Variants in LDLRAP1 observed in about 807,000 individuals in gnomAD.
The protein encoded by LDLRAP1 is low density lipoprotein receptor adapter protein 1.
LDLRAP1 carries 30 observed loss-of-function variants against 37.8 expected under a neutral mutation model. The ratio of observed to expected loss-of-function variants is 0.79; its 90% confidence interval spans 0.59 to 1.08. LDLRAP1 has a LOEUF of 1.08. LDLRAP1 is among the 50% of genes least tolerant of loss of function. LDLRAP1 has a pLI of 0.00. For synonymous variants in LDLRAP1, 156 were observed against 169.8 expected (o/e 0.92, Z 0.63); for missense variants, 375 against 401.6 (o/e 0.93, Z 0.57).
the LDLRAP1 span, among the ~76,000 whole-genome samples, chr1:25,584,067 G>T: frequency 6.6e-6 from 1 of 152,100 alleles, no homozygotes; most frequent in Non-Finnish European, 1.5e-5. Flanking sequence ...CACCCAGACC[G>T]TGCTCCTGTC....
rs542098346 is a variant in LDLRAP1, at chr1:25,552,147, G to T, written c.89-1775G>T. Among the ~76,000 whole-genome samples the T allele has an allele frequency of 8.5e-5, 13 of 152,322 alleles. No homozygotes were observed. The South Asian group carries it at 2.7e-3, about 32-fold the overall frequency. On this transcript the variant is annotated intron_variant, in intron 1 of 8. Coordinates refer to ENST00000374338, the MANE Select transcript of LDLRAP1 (RefSeq NM_015627.3). ...GGAGGCCCAGGGCTCTAGGATAGGAGCTGAGAGGGGCAGCAGGGATCCAGA... is the reference window on the plus strand; with the variant it reads ...GGAGGCCCAGGGCTCTAGGATAGGATCTGAGAGGGGCAGCAGGGATCCAGA...
At chr1:25,581,237 C>T in the LDLRAP1 span, among the ~76,000 whole-genome samples, 3 of 152,096 alleles carry the variant, frequency 2.0e-5, no homozygotes, top group African/African-American at 7.2e-5. Flanking sequence ...GGGGCGGGGG[C>T]ACTGCTGAGT....
chr1:25,585,226 C>G, the LDLRAP1 span, among the ~76,000 whole-genome samples: 45 of 152,268 alleles, frequency 3.0e-4, no homozygotes, highest in African/African-American at 1.1e-3. Flanking sequence ...GATTATCTCT[C>G]TTTTGTAGAT....
At chr1:25,569,154 G>C (rs2044564432), downstream of LDLRAP1, among the ~76,000 whole-genome samples, 2 of 152,244 alleles carry the variant, frequency 1.3e-5, no homozygotes, top group Non-Finnish European at 1.5e-5. Flanking sequence ...GCGTCTGAGA[G>C]CCCCGGCGGG....
downstream of LDLRAP1, among the ~76,000 whole-genome samples, chr1:25,570,535 G>A (rs11247942): frequency 0.54 from 81,990 of 151,784 alleles, 22,568 homozygotes; most frequent in African/African-American, 0.65. Context: ...ATTCCCAGGT[G>A]CTCATCAGAG....
chr1:25,589,325 A>AAAGAAAGAAAGAAAGAAAGAAAGAAAGG, the LDLRAP1 span, among the ~76,000 whole-genome samples: 1 of 151,324 alleles, frequency 6.6e-6, no homozygotes, highest in Admixed American at 6.6e-5. Flanking sequence ...AGAAAGAAAG[A>AAAGAAAGAAAGAAAGAAAGAAAGAAAGG]AAGAAATATA....
intron 1 of LDLRAP1, among the ~76,000 whole-genome samples, chr1:25,551,892 C>T (rs546193775): frequency 5.3e-5 from 8 of 152,124 alleles, no homozygotes; most frequent in Non-Finnish European, 8.8e-5. Flanking sequence ...TACCTGCATG[C>T]CAGGTTCTAG....
At chr1:25,574,151 C>T in the LDLRAP1 span, among the ~76,000 whole-genome samples, 1 of 152,218 alleles carries the variant, frequency 6.6e-6, no homozygotes, top group African/African-American at 2.4e-5. Flanking sequence ...AGCGCAAAGC[C>T]CCAGGATTGC....
chr1:25,572,336 G>A (rs965278538), downstream of LDLRAP1, among the ~76,000 whole-genome samples: 3 of 152,176 alleles, frequency 2.0e-5, no homozygotes, highest in East Asian at 3.9e-4. Flanking sequence ...CCACTTTGCC[G>A]GCTGTCAGAC....
At chr1:25,575,000 T>C in the LDLRAP1 span, among the ~76,000 whole-genome samples, 2 of 152,190 alleles carry the variant, frequency 1.3e-5, no homozygotes, top group Non-Finnish European at 2.9e-5. Flanking sequence ...TGGCCTGTGC[T>C]TCTTGGATAC....
At chr1:25,575,716 T>A in the LDLRAP1 span, among the ~76,000 whole-genome samples, 7 of 152,312 alleles carry the variant, frequency 4.6e-5, no homozygotes, top group Admixed American at 1.3e-4. Context: ...TTGGGCCTAC[T>A]GTGGAGATTA....
At chr1:25,582,455 T>G in the LDLRAP1 span, among the ~76,000 whole-genome samples, 273 of 150,436 alleles carry the variant, frequency 1.8e-3, 2 homozygotes, top group South Asian at 0.011. Context: ...CATGGTGGCA[T>G]GCACCTGTAG....
At chr1:25,557,638 G>A (rs1392900955) in intron 4 of LDLRAP1, among the ~76,000 whole-genome samples, 1 of 152,212 alleles carries the variant, frequency 6.6e-6, no homozygotes, top group Non-Finnish European at 1.5e-5. Flanking sequence ...AGATCAGGGG[G>A]GCCTAGGGTG....
At chr1:25,563,228 G>A in intron 6 of LDLRAP1, 75 bp downstream of exon 6, 1 of 1,256,180 alleles carries the variant, frequency 8.0e-7, no homozygotes, top group Non-Finnish European at 1.2e-6. Flanking sequence ...TCCCACTCCT[G>A]CCTGGGCTGG....
At chr1:25,573,150 C>T (rs1233544984), downstream of LDLRAP1, among the ~76,000 whole-genome samples, 1 of 152,130 alleles carries the variant, frequency 6.6e-6, no homozygotes, top group African/African-American at 2.4e-5. Flanking sequence ...GGGTAAGGCC[C>T]ACCCAGGGTA....
intron 1 of LDLRAP1, among the ~76,000 whole-genome samples, chr1:25,550,775 A>T (rs1385447574): frequency 5.3e-5 from 8 of 152,332 alleles, no homozygotes; most frequent in African/African-American, 1.9e-4. Context: ...AGTGGCAACC[A>T]GTCTGTAAGG....
chr1:25,543,631 G>A lies in LDLRAP1; in HGVS notation c.-68G>A, dbSNP rs1007363567. On this transcript the variant is annotated 5_prime_UTR_variant, in exon 1 of 9. Coordinates refer to ENST00000374338, the MANE Select transcript of LDLRAP1 (RefSeq NM_015627.3). ...GGAGCGCGCAGCCCGCGCGCCGCAG[G>A]GCCGGGCGGAAAGTTTTTCCTGACG... The A allele has an allele frequency of 1.1e-4, 119 of 1,115,374 alleles. No homozygotes were observed. The highest frequency in any genetic ancestry group is 1.3e-4 in the Non-Finnish European group (114 of 890,132). 69.1% of individuals were successfully genotyped at this position (1,115,374 alleles called of 1,614,324 possible). A position where few individuals can be genotyped will look rare whatever the true frequency, so the allele number is the denominator to read the frequency against.
chr1:25,572,301 G>A (rs2044615312), downstream of LDLRAP1, among the ~76,000 whole-genome samples: 1 of 152,118 alleles, frequency 6.6e-6, no homozygotes. Flanking sequence ...AGCAGGCAGC[G>A]CTGGAGTCCC....
At chr1:25,583,299 C>T in the LDLRAP1 span, among the ~76,000 whole-genome samples, 1 of 150,008 alleles carries the variant, frequency 6.7e-6, no homozygotes, top group African/African-American at 2.5e-5. Context: ...AAGTGATTCT[C>T]GTGCCTCAGC....
Sources: allele counts gnomAD v4.1 joint callset (sites outside exome capture counted in the v4.1 genomes callset), GRCh38; gene constraint gnomAD v4.1.1; transcripts MANE v1.5; gene names NCBI Gene and HGNC (gene_info 2026-07-23, HGNC 2026-07-21).